Variants in ZFYVE26 observed in about 807,000 individuals in gnomAD.
The protein encoded by ZFYVE26 is zinc finger FYVE-type containing 26.
In ZFYVE26, 181 loss-of-function variants were observed where a neutral mutation model predicts 276.5. That is an observed-to-expected ratio of 0.65 (90% confidence interval 0.58 to 0.74). ZFYVE26 has a LOEUF of 0.74. Ranked by LOEUF, ZFYVE26 falls within the 30% of genes least tolerant of loss-of-function variation. The probability of loss-of-function intolerance (pLI) is 0.00; values close to 1 mark genes in which losing one functional copy is unlikely to be tolerated. For synonymous variants in ZFYVE26, 1,129 were observed against 1,203.1 expected (o/e 0.94, Z 1.27); for missense variants, 2,821 against 3,097.9 (o/e 0.91, Z 2.12).
intron 5 of ZFYVE26, among the ~76,000 whole-genome samples, chr14:67,807,012 C>G (rs1381328023): frequency 2.0e-5 from 3 of 152,188 alleles, no homozygotes; most frequent in African/African-American, 4.8e-5. Flanking sequence ...TTCACTGCAG[C>G]CTCCACCTCC....
rs2039910558 is a variant in ZFYVE26, at chr14:67,794,746, A to G, written c.2333-507T>C. 2.6e-5 allele frequency among the ~76,000 whole-genome samples: 4 copies of G among 152,244 alleles called. No homozygotes were observed. The South Asian group carries it at 6.2e-4, about 24-fold the overall frequency. On this transcript the variant is annotated intron_variant, in intron 12 of 41. Transcript: ENST00000347230. ...GATAGCTTGAGGCCAGGAGTTTGAG[A>G]CCAGCCTGGGCAACACTGCAAGACC...
At chr14:67,735,484 C>A (rs971281468) in intron 13 of ZFYVE26, 4 of 572,536 alleles carry the variant, frequency 7.0e-6, no homozygotes, top group Non-Finnish European at 1.2e-5. Flanking sequence ...GCCGAGACAC[C>A]GTTCGACCTT....
chr14:67,798,558 G>A lies in ZFYVE26; in HGVS notation c.1704C>T (p.Asp568=), dbSNP rs373958917. ...TTTCCAGAAGCTCCAGGCACAGAGA[G>A]TCAGGAATACTGCACAGATACTGTT... is the stretch of plus-strand genomic sequence containing the variant. ...RCQQYLCSIP[D]SLCLELLENI... The change falls in exon 11 of 42, where the codon GAC becomes GAT. Residue 568 remains aspartate (D), a synonymous_variant. Coordinates refer to ENST00000347230, the MANE Select transcript of ZFYVE26 (RefSeq NM_015346.4). 1.2e-6 allele frequency: 2 copies of A among 1,614,030 alleles called. No individual in the cohort carries two copies. Among genetic ancestry groups the A allele is most frequent in the East Asian group, 2.2e-5 (1 of 44,900 alleles).
Position 67,815,992 on chromosome 14 carries a change from AAAG to A in ZFYVE26, c.-32_-30del. ...CCCAGCACAGAGTGCAGGGAGATAC[AAAG>A]AAATGAGTTATGCCGAACACATTCT... On this transcript the variant is annotated 5_prime_UTR_variant, in exon 2 of 42. Transcript: ENST00000347230. 1.9e-6 allele frequency: 3 copies of A among 1,575,726 alleles called. No homozygotes were observed. The highest frequency in any genetic ancestry group is 2.6e-6 in the Non-Finnish European group (3 of 1,158,504).
rs146787003 is a variant in ZFYVE26 at position 67,791,451 on chromosome 14, A to C, written c.2554-678T>G. On this transcript the variant is annotated intron_variant, in intron 14 of 41. Transcript: ENST00000347230. ...TAAAATGTAAAAATGCATGATATAA[A>C]GTTTTAGATTTGAAATAATCTCAGC... Among the ~76,000 whole-genome samples, 271 of 152,324 alleles carry C rather than the reference A, an allele frequency of 1.8e-3. 2 individuals carry two copies. The highest frequency in any genetic ancestry group is 6.1e-3 in the African/African-American group (255 of 41,580).
intron 14 of ZFYVE26, among the ~76,000 whole-genome samples, 160 bp downstream of exon 14, chr14:67,793,448 C>G (rs896584844): frequency 6.6e-6 from 1 of 152,008 alleles, no homozygotes; most frequent in African/African-American, 2.4e-5. Context: ...ATCCACCCTG[C>G]TGAAGACTGG....
chr14:67,803,713 C>T (rs2040122743), intron 9 of ZFYVE26, among the ~76,000 whole-genome samples: 1 of 152,138 alleles, frequency 6.6e-6, no homozygotes, highest in Non-Finnish European at 1.5e-5. Flanking sequence ...AGAAAAGGCA[C>T]AAAACATGCT....
intron 29 of ZFYVE26, among the ~76,000 whole-genome samples, 185 bp from the exon 30 acceptor site, chr14:67,768,733 T>G (rs1383266137): frequency 4.6e-5 from 7 of 152,170 alleles, no homozygotes; most frequent in African/African-American, 1.4e-4. Flanking sequence ...AGCAGTATGG[T>G]GTGTGGGTAA....
At chr14:67,774,747 C>T (rs1209218119) in intron 27 of ZFYVE26, among the ~76,000 whole-genome samples, 1 of 152,108 alleles carries the variant, frequency 6.6e-6, no homozygotes, top group Non-Finnish European at 1.5e-5. Context: ...TACGTGTATA[C>T]ATGTACACAT....
chr14:67,738,723 A>AT (rs1566855341), intron 13 of ZFYVE26, among the ~76,000 whole-genome samples: 1 of 152,162 alleles, frequency 6.6e-6, no homozygotes, highest in African/African-American at 2.4e-5. Flanking sequence ...TGATTTTTCA[A>AT]TTTTTTAAAA....
intron 16 of ZFYVE26, among the ~76,000 whole-genome samples, chr14:67,788,119 G>A (rs373056029): frequency 6.6e-6 from 1 of 151,438 alleles, no homozygotes; most frequent in East Asian, 1.9e-4. Flanking sequence ...GGTTGGGTGC[G>A]GTGGCTCACG....
intron 35 of ZFYVE26, among the ~76,000 whole-genome samples, chr14:67,756,584 T>C (rs2038784904): frequency 6.6e-6 from 1 of 152,198 alleles, no homozygotes; most frequent in African/African-American, 2.4e-5. Context: ...TAAAAATAAT[T>C]GAGAAAAAAC....
intron 12 of ZFYVE26, among the ~76,000 whole-genome samples, chr14:67,794,624 T>C (rs1360290108): frequency 6.6e-6 from 1 of 152,122 alleles, no homozygotes; most frequent in Non-Finnish European, 1.5e-5. Flanking sequence ...TTTCCTGACA[T>C]AGAAAAAGGT....
rs959947154 is a variant in ZFYVE26 at position 67,802,249 on chromosome 14, C to T, written c.1469G>A (p.Ser490Asn). The T allele has an allele frequency of 2.5e-6, 4 of 1,614,060 alleles. No homozygotes were observed. The highest frequency in any genetic ancestry group is 2.7e-5 in the African/African-American group (2 of 74,916). ...GTAGAGTGTCAGGTTCTGACACTGG[C>T]TCAGGTGCTCAGGGACTGGAGCATC... ...AVDAPVPEHL[S>N]QCQNLTLYQG... Residue 490 changes from serine (S) to asparagine (N), a missense_variant, in exon 10 of 42, where the codon AGC becomes AAC. Coordinates refer to ENST00000347230, the MANE Select transcript of ZFYVE26 (RefSeq NM_015346.4).
chr14:67,754,328 G>C, intron 37 of ZFYVE26, 116 bp from the exon 38 acceptor site: 1 of 1,398,034 alleles, frequency 7.2e-7, no homozygotes, highest in Non-Finnish European at 1.0e-6. Context: ...ATGATATAGT[G>C]GGAAAAGAGA....
Position 67,815,780 on chromosome 14 carries a change from T to C in ZFYVE26, c.184A>G (p.Asn62Asp). The C allele has an allele frequency of 1.9e-6, 3 of 1,613,186 alleles. No homozygotes were observed. The highest frequency in any genetic ancestry group is 2.5e-6 in the Non-Finnish European group (3 of 1,180,028). Residue 62 changes from asparagine to aspartate, a missense_variant, in exon 2 of 42, where the codon AAT (asparagine) becomes GAT (aspartate). Physicochemically the swap from Asn to Asp is conservative, Grantham distance 23. Coordinates refer to ENST00000347230, the MANE Select transcript of ZFYVE26 (RefSeq NM_015346.4). ...AAAGAGATCCCTTACCTCAGCAGATTTGGACACACCACCAATGCCTGAAGT... is the reference window on the plus strand; with the variant it reads ...AAAGAGATCCCTTACCTCAGCAGATCTGGACACACCACCAATGCCTGAAGT... ...DILQALVVCP[N>D]LLRCGQDINP...
intron 26 of ZFYVE26, 24 bp from the exon 27 acceptor site, chr14:67,775,138 AAAATATGGTTCT>A (rs760508569): frequency 4.4e-5 from 67 of 1,525,832 alleles, no homozygotes; most frequent in Middle Eastern, 1.7e-4. Flanking sequence ...AAATGCTGAC[AAAATATGGTTCT>A]ACCATAAGTA....
rs1297072049 is a variant in ZFYVE26, at chr14:67,797,741, G to C, written c.2263C>G (p.Arg755Gly). ...TGACGTGTGGCAGGCTGGTATCTTCGGGAAGGTTGCTCCTCTGAAAGAGCA... is the reference window on the plus strand; with the variant it reads ...TGACGTGTGGCAGGCTGGTATCTTCCGGAAGGTTGCTCCTCTGAAAGAGCA... Reference protein sequence around the residue: ...SNHRSEEQPSRRYQPATRHPS... With the variant: ...SNHRSEEQPSGRYQPATRHPS... The change falls in exon 12 of 42, where the codon CGA becomes GGA. Residue 755 changes from arginine (R) to glycine (G), a missense_variant. By Grantham distance (125) the Arg-to-Gly change is moderately radical. Coordinates refer to ENST00000347230, the MANE Select transcript of ZFYVE26 (RefSeq NM_015346.4). The C allele has an allele frequency of 6.2e-7, 1 of 1,614,024 alleles. No homozygotes were observed. Among genetic ancestry groups the C allele is most frequent in the Non-Finnish European group, 8.5e-7 (1 of 1,180,020 alleles).
chr14:67,756,560 C>T, intron 35 of ZFYVE26: 1 of 212,474 alleles, frequency 4.7e-6, no homozygotes, highest in Middle Eastern at 2.0e-3. Context: ...CTTCTTCCTC[C>T]TTGAAAAGCC....
Sources: gnomAD v4.1 joint callset for allele counts (sites outside exome capture counted in the v4.1 genomes callset) on GRCh38, gnomAD v4.1.1 for gene constraint, MANE v1.5 for transcripts, NCBI Gene and HGNC (gene_info 2026-07-23, HGNC 2026-07-21) for gene names.